The following ADGRF5 variants were observed in gnomAD, a reference collection of about 807,000 sequenced individuals.
The protein encoded by ADGRF5 is G-protein coupled receptor 116.
Under a neutral mutation model 132.3 loss-of-function variants are expected in ADGRF5, and 75 were observed. The observed-to-expected ratio is 0.57, with a 90% CI of 0.47 to 0.69. The LOEUF (loss-of-function observed/expected upper bound fraction) is 0.69. ADGRF5 is among the 30% of genes least tolerant of loss of function. The pLI is 0.00. For missense variants in ADGRF5, 1,516 were observed against 1,630.6 expected (o/e 0.93, Z 1.21); for synonymous variants, 629 against 597.6 (o/e 1.05, Z -0.77).
intron 13 of ADGRF5, among the ~76,000 whole-genome samples, chr6:46,866,035 C>T (rs1421196811): frequency 1.3e-5 from 2 of 152,156 alleles, no homozygotes; most frequent in African/African-American, 4.8e-5. Flanking sequence ...TGCTGGTTGA[C>T]CTTAATCTCT....
chr6:46,876,996 C>T (rs900222414), intron 10 of ADGRF5, among the ~76,000 whole-genome samples: 5 of 152,186 alleles, frequency 3.3e-5, no homozygotes, highest in Admixed American at 3.3e-4. Flanking sequence ...ATGGGTAAAG[C>T]CACATTTTAC....
Position 46,900,019 on chromosome 6 carries a change from G to T in ADGRF5, c.157+10C>A. The T allele has an allele frequency of 1.9e-6, 3 of 1,596,672 alleles. No homozygotes were observed. Among genetic ancestry groups the T allele is most frequent in the Non-Finnish European group, 2.6e-6 (3 of 1,164,010 alleles). ...TTATAAAAGGGATTGCCAAGCAAGA[G>T]TTTACATACCGGCTCGTTTTTGCCT... On this transcript the variant is annotated intron_variant, in intron 3 of 20. Coordinates refer to ENST00000283296, the MANE Select transcript of ADGRF5 (RefSeq NM_001098518.2).
rs200642434 is a variant in ADGRF5 at position 46,888,315 on chromosome 6, G to A, written c.328+20C>T. ...AAGACATCCAATCATTTATTCTGAAGCAATGGGTCTCTTACTCACCTGTTG... is the reference window on the plus strand; with the variant it reads ...AAGACATCCAATCATTTATTCTGAAACAATGGGTCTCTTACTCACCTGTTG... On this transcript the variant is annotated intron_variant, in intron 4 of 20. Transcript: ENST00000283296. The A allele has an allele frequency of 1.7e-5, 26 of 1,548,562 alleles. No homozygotes were observed. The East Asian group carries it at 5.8e-4, about 35-fold the overall frequency.
chr6:46,942,215 T>A (rs1469168014), intron 1 of ADGRF5, among the ~76,000 whole-genome samples: 1 of 152,150 alleles, frequency 6.6e-6, no homozygotes, highest in African/African-American at 2.4e-5. Flanking sequence ...TGCATTACAA[T>A]GCTCTATTTA....
intron 1 of ADGRF5, among the ~76,000 whole-genome samples, chr6:46,910,065 A>G (rs910090201): frequency 6.6e-6 from 1 of 151,934 alleles, no homozygotes; most frequent in Non-Finnish European, 1.5e-5. Flanking sequence ...AGTGCTTAAG[A>G]TCAACTCTTC....
intron 15 of ADGRF5, 88 bp downstream of exon 15, chr6:46,862,800 C>T: frequency 3.1e-6 from 2 of 655,298 alleles, no homozygotes; most frequent in South Asian, 1.5e-5. Flanking sequence ...CAAAGCAGCA[C>T]CAAACCCATT....
At chr6:46,895,356 C>T (rs1400016581) in intron 3 of ADGRF5, among the ~76,000 whole-genome samples, 1 of 151,938 alleles carries the variant, frequency 6.6e-6, no homozygotes, top group African/African-American at 2.4e-5. Context: ...GGTCTTCTAT[C>T]TCACTCCACC....
At chr6:46,877,227 CTTTCTTT>C (rs1771768735) in intron 10 of ADGRF5, among the ~76,000 whole-genome samples, 1 of 20,914 alleles carries the variant, frequency 4.8e-5, no homozygotes, top group South Asian at 1.4e-3. Flanking sequence ...TATTTCCTCT[CTTTCTTT>C]CTTTCTTTCT....
intron 10 of ADGRF5, among the ~76,000 whole-genome samples, chr6:46,873,408 C>T (rs751980988): frequency 2.6e-5 from 4 of 152,134 alleles, no homozygotes; most frequent in Admixed American, 1.3e-4. Flanking sequence ...TCCCCTTTCC[C>T]GTATCCAGTG....
At chr6:46,882,517 C>G (rs974977297) in intron 6 of ADGRF5, among the ~76,000 whole-genome samples, 4 of 152,212 alleles carry the variant, frequency 2.6e-5, no homozygotes, top group South Asian at 2.1e-4. Context: ...TGTGCCCCTT[C>G]ATTGGTAGGG....
intron 13 of ADGRF5, among the ~76,000 whole-genome samples, 174 bp from the exon 14 acceptor site, chr6:46,865,371 T>C (rs1170855353): frequency 1.3e-5 from 2 of 152,242 alleles, no homozygotes; most frequent in Non-Finnish European, 2.9e-5. Flanking sequence ...CACATTTGCA[T>C]GTGTGCTAGT....
chr6:46,893,187 G>A (rs1484368219), intron 3 of ADGRF5, among the ~76,000 whole-genome samples: 1 of 149,038 alleles, frequency 6.7e-6, no homozygotes, highest in Non-Finnish European at 1.5e-5. Flanking sequence ...TGTCACTCTA[G>A]GAATAGTAAA....
intron 7 of ADGRF5, 28 bp downstream of exon 7, chr6:46,882,021 A>G (rs1190001757): frequency 6.7e-7 from 1 of 1,502,336 alleles, no homozygotes; most frequent in Admixed American, 1.7e-5. Context: ...GCCATAAATT[A>G]GAAATGATCA....
chr6:46,938,870 T>A (rs575638290), intron 1 of ADGRF5, among the ~76,000 whole-genome samples: 3 of 101,776 alleles, frequency 2.9e-5, no homozygotes, highest in East Asian at 3.4e-4. Flanking sequence ...TCTTTCTACT[T>A]TTCTGATTTT....
rs1400510870 is a variant in ADGRF5, at chr6:46,888,384, C to T, written c.279G>A (p.Gly93=). Reference sequence around the variant, plus strand: ...TGTCGGTAATTTGGTCAGTGTTATTCCCATGAATTGGAAAACTGAGGCTGT... The same window carrying T: ...TGTCGGTAATTTGGTCAGTGTTATTTCCATGAATTGGAAAACTGAGGCTGT... The part of the protein sequence containing the change: ...YLNSLSFPIH[G]NNTDQITDIL... The change falls in exon 4 of 21, where the codon GGG becomes GGA. Residue 93 remains glycine (G), a synonymous_variant. Transcript: ENST00000283296. 5.6e-6 allele frequency: 9 copies of T among 1,612,062 alleles called. No homozygotes were observed. The highest frequency in any genetic ancestry group is 7.6e-6 in the Non-Finnish European group (9 of 1,178,330).
Position 46,853,002 on chromosome 6 carries a change from T to A in ADGRF5, c.*990A>T, listed in dbSNP as rs1204829467. ...TACCTGCTTGAAGCCATTAAATATA[T>A]GACAGGGTCTGTCTTCAGTGCAACA... is the stretch of plus-strand genomic sequence containing the variant. On this transcript the variant is annotated 3_prime_UTR_variant, in exon 21 of 21. Transcript: ENST00000283296. 1 of 152,632 alleles carries A rather than the reference T, an allele frequency of 6.6e-6. No individual in the cohort carries two copies. Among genetic ancestry groups the A allele is most frequent in the East Asian group, 1.9e-4 (1 of 5,198 alleles). The allele number at this position is 152,632 out of a possible 1,614,324, so 9.5% of individuals were successfully genotyped here. A position where few individuals can be genotyped will look rare whatever the true frequency, so the allele number is the denominator to read the frequency against.
intron 1 of ADGRF5, among the ~76,000 whole-genome samples, chr6:46,916,625 C>T (rs1020952422): frequency 1.3e-5 from 2 of 152,206 alleles, no homozygotes; most frequent in African/African-American, 4.8e-5. Context: ...ATGGGCCCCT[C>T]GCTCCTTTCT....
intron 2 of ADGRF5, chr6:46,905,542 C>T (rs902221753): frequency 4.6e-5 from 7 of 151,456 alleles, no homozygotes; most frequent in African/African-American, 1.5e-4. Context: ...AAAAATCAAA[C>T]GCACATTGTT....
chr6:46,885,086 C>A (rs1419151430), intron 4 of ADGRF5, among the ~76,000 whole-genome samples: 5 of 151,516 alleles, frequency 3.3e-5, no homozygotes, highest in African/African-American at 1.2e-4. Flanking sequence ...CCCAGCTACT[C>A]AGGAGGCTGA....
Sources: gnomAD v4.1 joint callset for allele counts (sites outside exome capture counted in the v4.1 genomes callset) on GRCh38, gnomAD v4.1.1 for gene constraint, MANE v1.5 for transcripts, NCBI Gene and HGNC (gene_info 2026-07-23, HGNC 2026-07-21) for gene names.